MAPK10: variants seen among roughly 807,000 people sequenced by gnomAD.
The protein encoded by MAPK10 is mitogen-activated protein kinase 10, also known as JNK3 alpha protein kinase.
MAPK10 carries 25 observed loss-of-function variants against 59.3 expected under a neutral mutation model. The ratio of observed to expected loss-of-function variants is 0.42; its 90% CI spans 0.31 to 0.59. MAPK10 has a LOEUF of 0.59. MAPK10 is among the 20% of genes least tolerant of loss of function. The pLI is 0.15. For synonymous variants in MAPK10, 190 were observed against 200.5 expected, an observed-to-expected ratio of 0.95 and a Z score of 0.44; for missense variants, 351 against 568.9, an observed-to-expected ratio of 0.62 and a Z score of 3.90.
intron 2 of MAPK10, among the ~76,000 whole-genome samples, chr4:86,324,655 T>TTCTA (rs2095980769): frequency 6.6e-6 from 1 of 152,188 alleles, no homozygotes; most frequent in Admixed American, 6.5e-5. Context: ...AAAGAATATC[T>TTCTA]TCTATCTCTA....
intron 2 of MAPK10, among the ~76,000 whole-genome samples, chr4:86,352,970 A>C (rs528934243): frequency 6.6e-6 from 1 of 152,272 alleles, no homozygotes; most frequent in East Asian, 1.9e-4. Context: ...AATGATACCT[A>C]GTATTCCCAC....
chr4:86,047,219 T>C (rs527238861), intron 11 of MAPK10, among the ~76,000 whole-genome samples: 17 of 152,174 alleles, frequency 1.1e-4, no homozygotes, highest in African/African-American at 4.1e-4. Context: ...GAATGTGTGT[T>C]ACATGACGGG....
intron 13 of MAPK10, among the ~76,000 whole-genome samples, chr4:86,023,125 T>C (rs1350290322): frequency 2.6e-5 from 4 of 152,324 alleles, no homozygotes; most frequent in East Asian, 1.9e-4. Context: ...GTATATGATA[T>C]GAGGCAGGGG....
intron 11 of MAPK10, among the ~76,000 whole-genome samples, chr4:86,049,806 A>C (rs2043183828): frequency 6.6e-6 from 1 of 152,070 alleles, no homozygotes; most frequent in Non-Finnish European, 1.5e-5. Flanking sequence ...CTACTTCACT[A>C]GCTTCCTAAA....
intron 3 of MAPK10, among the ~76,000 whole-genome samples, chr4:86,174,080 A>G (rs565234751): frequency 6.6e-6 from 1 of 152,332 alleles, no homozygotes; most frequent in South Asian, 2.1e-4. Flanking sequence ...TCAAGGATCT[A>G]GAACCGGAAA....
intron 4 of MAPK10, among the ~76,000 whole-genome samples, chr4:86,131,983 T>A (rs1306012659): frequency 1.3e-5 from 2 of 152,200 alleles, no homozygotes; most frequent in African/African-American, 4.8e-5. Flanking sequence ...TTATCTCATC[T>A]CCTTTCTGCT....
intron 2 of MAPK10, among the ~76,000 whole-genome samples, chr4:86,222,523 G>A (rs1390793149): frequency 1.3e-5 from 2 of 152,180 alleles, no homozygotes; most frequent in East Asian, 3.9e-4. Flanking sequence ...CAACTTCACA[G>A]ATACCCATGG....
chr4:86,412,693 G>A (rs1262803018), intron 1 of MAPK10, among the ~76,000 whole-genome samples: 1 of 151,942 alleles, frequency 6.6e-6, no homozygotes, highest in East Asian at 1.9e-4. Context: ...TGATCAAATT[G>A]GCTATTGAAG....
At chr4:86,396,696 G>A (rs1236289517) in intron 1 of MAPK10, among the ~76,000 whole-genome samples, 3 of 152,092 alleles carry the variant, frequency 2.0e-5, no homozygotes, top group Non-Finnish European at 4.4e-5. Context: ...GAGAGAAGGC[G>A]AAACGGGAAC....
chr4:86,021,957 C>T (rs940074614), intron 13 of MAPK10, among the ~76,000 whole-genome samples: 4 of 152,332 alleles, frequency 2.6e-5, no homozygotes, highest in Admixed American at 2.6e-4. Flanking sequence ...CCGCAAGCGC[C>T]GCACGCGGCC....
At chr4:86,282,715 A>G (rs988958892) in intron 2 of MAPK10, among the ~76,000 whole-genome samples, 1 of 152,126 alleles carries the variant, frequency 6.6e-6, no homozygotes, top group African/African-American at 2.4e-5. Context: ...ATCTTTTTTG[A>G]AAGCTTACTA....
intron 2 of MAPK10, among the ~76,000 whole-genome samples, chr4:86,304,548 G>A (rs13132706): frequency 0.25 from 37,643 of 150,380 alleles, 4,874 homozygotes; most frequent in South Asian, 0.42. Context: ...GCCCGCCACC[G>A]CGCCCGGCTA....
chr4:86,185,989 C>G (rs753275603), intron 3 of MAPK10, among the ~76,000 whole-genome samples: 6 of 151,946 alleles, frequency 3.9e-5, no homozygotes, highest in Non-Finnish European at 7.4e-5. Context: ...GGAGATAAAA[C>G]TGTGTGATAT....
At chr4:86,553,551 G>T (rs1250363246) in intron 1 of MAPK10, among the ~76,000 whole-genome samples, 3 of 152,130 alleles carry the variant, frequency 2.0e-5, no homozygotes, top group Non-Finnish European at 4.4e-5. Context: ...TATCCCAGCT[G>T]CTTAAAAGAG....
chr4:86,463,361 T>C lies in MAPK10; in HGVS notation c.-262-108717A>G, dbSNP rs150642030. On this transcript the variant is annotated intron_variant, in intron 1 of 4. Coordinates refer to the MAPK10 transcript ENST00000502302. ...CCTGCTAAGTGTTATCATTGGAAAGTGTTGCCATAAGGCATATTAAACAGT... is the reference window on the plus strand; with the variant it reads ...CCTGCTAAGTGTTATCATTGGAAAGCGTTGCCATAAGGCATATTAAACAGT... Among the ~76,000 whole-genome samples the C allele has an allele frequency of 6.1e-3, 923 of 152,334 alleles. 7 individuals carry two copies. Among genetic ancestry groups the C allele is most frequent in the African/African-American group, 0.02 (825 of 41,570 alleles).
At chr4:86,570,808 T>A (rs1186990109) in intron 1 of MAPK10, among the ~76,000 whole-genome samples, 1 of 152,110 alleles carries the variant, frequency 6.6e-6, no homozygotes, top group African/African-American at 2.4e-5. Context: ...TAAATAGGAG[T>A]TAACGAAACA....
chr4:86,510,561 G>A (rs140769193), intron 1 of MAPK10, among the ~76,000 whole-genome samples: 7,156 of 150,852 alleles, frequency 0.047, 229 homozygotes, highest in African/African-American at 0.06. Context: ...ATATCTATAT[G>A]CATGTATATA....
chr4:86,125,622 G>A (rs2059950759), intron 4 of MAPK10: 1 of 151,984 alleles, frequency 6.6e-6, no homozygotes, highest in Admixed American at 6.6e-5. Context: ...CGGGGTTACT[G>A]CTACATTCCT....
chr4:86,200,111 A>G (rs528991600), intron 2 of MAPK10, among the ~76,000 whole-genome samples: 3 of 152,172 alleles, frequency 2.0e-5, no homozygotes, highest in African/African-American at 7.2e-5. Flanking sequence ...TTGCGTGTCC[A>G]GGGATTTTAT....
Sources: gnomAD v4.1 joint callset for allele counts (sites outside exome capture counted in the v4.1 genomes callset) on GRCh38, gnomAD v4.1.1 for gene constraint, MANE v1.5 for transcripts, NCBI Gene and HGNC (gene_info 2026-07-23, HGNC 2026-07-21) for gene names.